GPD2: variants seen among roughly 807,000 people sequenced by gnomAD.
The protein encoded by GPD2 is glycerol-3-phosphate dehydrogenase 2.
A neutral mutation model predicts 82.4 loss-of-function variants in GPD2; 54 were observed. That is an observed-to-expected ratio of 0.66 (90% CI 0.53 to 0.82). The LOEUF is 0.82. GPD2 is among the 40% of genes least tolerant of loss of function. GPD2 has a pLI of 0.00. For synonymous variants in GPD2, 288 were observed against 306.1 expected (o/e 0.94, Z 0.62); for missense variants, 748 against 896.2 (o/e 0.83, Z 2.11).
In GPD2 at chr2:156,550,600, A is replaced by G. The variant is rs1325593067; in HGVS notation, c.827-2A>G. Reference sequence around the variant, plus strand: ...TGTGATTGATGCCACTTTCTTTCACAGGGCAGGAATTTGACGTGAGAGCCA... The same window carrying G: ...TGTGATTGATGCCACTTTCTTTCACGGGGCAGGAATTTGACGTGAGAGCCA... On this transcript the variant is annotated splice_acceptor_variant, in intron 7 of 16. Coordinates refer to ENST00000438166, the MANE Select transcript of GPD2 (RefSeq NM_000408.5). LOFTEE classifies it high-confidence loss of function. 5.0e-6 allele frequency: 8 copies of G among 1,613,846 alleles called. No homozygotes were observed. The Admixed American group carries it at 6.7e-5, about 13-fold the overall frequency.
At chr2:156,493,520 T>C (rs556489869) in intron 2 of GPD2, among the ~76,000 whole-genome samples, 3 of 152,098 alleles carry the variant, frequency 2.0e-5, no homozygotes, top group Non-Finnish European at 4.4e-5. Flanking sequence ...GAAACTGTTG[T>C]TAATGGAATG....
At chr2:156,488,081 T>C (rs569245686) in intron 2 of GPD2, among the ~76,000 whole-genome samples, 2 of 152,310 alleles carry the variant, frequency 1.3e-5, no homozygotes. Context: ...AAGGATGGGC[T>C]CCTTTTTTTT....
intron 6 of GPD2, among the ~76,000 whole-genome samples, chr2:156,542,784 T>G (rs905089487): frequency 4.6e-5 from 7 of 152,212 alleles, no homozygotes; most frequent in African/African-American, 1.7e-4. Flanking sequence ...ACTTGAACAC[T>G]TTCTGTAACT....
intron 1 of GPD2, among the ~76,000 whole-genome samples, chr2:156,461,021 TC>T (rs892008442): frequency 3.9e-5 from 6 of 152,152 alleles, no homozygotes; most frequent in African/African-American, 1.2e-4. Flanking sequence ...CCTCTCTCTC[TC>T]CTGGGGGTCA....
the GPD2 span, among the ~76,000 whole-genome samples, chr2:156,405,000 G>A: frequency 2.6e-5 from 4 of 152,280 alleles, no homozygotes; most frequent in East Asian, 1.9e-4. Flanking sequence ...AAGAAGGTTC[G>A]GAGCATTTGA....
At chr2:156,577,341 A>T (rs1687860721) in intron 13 of GPD2, among the ~76,000 whole-genome samples, 1 of 152,062 alleles carries the variant, frequency 6.6e-6, no homozygotes, top group Admixed American at 6.6e-5. Context: ...ATAATAAAAA[A>T]TTAGCCAGGC....
chr2:156,512,335 A>G lies in GPD2; in HGVS notation c.497+18A>G, dbSNP rs779637238. 4.4e-6 allele frequency: 5 copies of G among 1,147,280 alleles called. No homozygotes were observed. The highest frequency in any genetic ancestry group is 5.3e-6 in the Non-Finnish European group (4 of 753,586). The allele number at this position is 1,147,280 out of a possible 1,614,324, so 71.1% of individuals were successfully genotyped here. A position where few individuals can be genotyped will look rare whatever the true frequency, so the allele number is the denominator to read the frequency against. On this transcript the variant is annotated intron_variant, in intron 5 of 16. Coordinates refer to ENST00000438166, the MANE Select transcript of GPD2 (RefSeq NM_000408.5). ...GTTTACAAGTAAGCCTTTTGATATC[A>G]CCTGTATGCATTTGCTTCTCTGCGG...
intron 13 of GPD2, among the ~76,000 whole-genome samples, chr2:156,577,716 A>G (rs1212381568): frequency 2.0e-5 from 3 of 152,146 alleles, no homozygotes; most frequent in Non-Finnish European, 2.9e-5. Context: ...GTTATACTCA[A>G]TAACAGTCAA....
chr2:156,526,964 G>A (rs1685631326), intron 6 of GPD2, among the ~76,000 whole-genome samples: 1 of 152,114 alleles, frequency 6.6e-6, no homozygotes. Flanking sequence ...ATAGTCCCTA[G>A]TTTCTCTCTG....
intron 2 of GPD2, among the ~76,000 whole-genome samples, chr2:156,494,740 A>C (rs1179332770): frequency 6.6e-6 from 1 of 152,188 alleles, no homozygotes; most frequent in Non-Finnish European, 1.5e-5. Context: ...CATGGATTGC[A>C]ATGATGCTGT....
intron 1 of GPD2, among the ~76,000 whole-genome samples, chr2:156,463,825 C>G (rs1313789233): frequency 6.6e-6 from 1 of 151,856 alleles, no homozygotes; most frequent in African/African-American, 2.4e-5. Context: ...TGAGTCGAAC[C>G]CTTTATTTTC....
At chr2:156,486,671 A>C (rs560230504) in intron 2 of GPD2, among the ~76,000 whole-genome samples, 1 of 152,212 alleles carries the variant, frequency 6.6e-6, no homozygotes, top group Non-Finnish European at 1.5e-5. Context: ...ATTTAAATAG[A>C]AGTTAGGCGA....
In GPD2 at chr2:156,512,264, A is replaced by AT; in HGVS notation, c.444_445insT (p.Glu149Ter). The AT allele has an allele frequency of 2.5e-6, 4 of 1,607,200 alleles. No homozygotes were observed. Among genetic ancestry groups the AT allele is most frequent in the Non-Finnish European group, 3.4e-6 (4 of 1,173,670 alleles). ...CCCTTCATGAGCGTGCCAACCTGCT[A>AT]GAAATTGCTCCCCATTTATCAGCTC... is the stretch of plus-strand genomic sequence containing the variant. On this transcript the variant is annotated frameshift_variant, in exon 5 of 17. Transcript: ENST00000438166. LOFTEE classifies it high-confidence loss of function.
chr2:156,559,231 T>C (rs183380514), intron 9 of GPD2, among the ~76,000 whole-genome samples: 1 of 152,284 alleles, frequency 6.6e-6, no homozygotes, highest in Admixed American at 6.5e-5. Flanking sequence ...GTATTCTCAC[T>C]TGAAGCTCCT....
the GPD2 span, among the ~76,000 whole-genome samples, chr2:156,412,213 A>G: frequency 1.3e-5 from 2 of 152,094 alleles, no homozygotes; most frequent in East Asian, 1.9e-4. Context: ...AGGTGGGTGG[A>G]TCATTTGAGG....
At chr2:156,561,995 G>C (rs750583889) in intron 9 of GPD2, among the ~76,000 whole-genome samples, 4 of 152,132 alleles carry the variant, frequency 2.6e-5, no homozygotes, top group East Asian at 1.9e-4. Context: ...TTCTGAAATG[G>C]GTAATTGATA....
At chr2:156,401,266 T>G in the GPD2 span, among the ~76,000 whole-genome samples, 1 of 152,218 alleles carries the variant, frequency 6.6e-6, no homozygotes, top group African/African-American at 2.4e-5. Flanking sequence ...ACTTACACCC[T>G]GGTAATTCTC....
chr2:156,485,228 A>T (rs1462274067), intron 2 of GPD2, among the ~76,000 whole-genome samples: 1 of 152,214 alleles, frequency 6.6e-6, no homozygotes, highest in African/African-American at 2.4e-5. Flanking sequence ...CTAACACTGT[A>T]GTTCCCACCT....
intron 3 of GPD2, among the ~76,000 whole-genome samples, chr2:156,498,675 G>A (rs911231487): frequency 2.0e-5 from 3 of 152,106 alleles, no homozygotes; most frequent in Non-Finnish European, 2.9e-5. Context: ...TAGGTTTGGT[G>A]ATGGGGAATG....
Sources: allele counts gnomAD v4.1 joint callset (sites outside exome capture counted in the v4.1 genomes callset), GRCh38; gene constraint gnomAD v4.1.1; transcripts MANE v1.5; gene names NCBI Gene and HGNC (gene_info 2026-07-23, HGNC 2026-07-21).